Variants in CLMP observed in about 807,000 individuals in gnomAD.
CLMP encodes CXADR like cell adhesion molecule, also known as CXADR-like membrane protein.
In CLMP, 27 loss-of-function variants were observed where a neutral mutation model predicts 45.2. That is an observed-to-expected ratio of 0.60 (90% CI 0.44 to 0.82). The LOEUF (loss-of-function observed/expected upper bound fraction) is 0.82. Among genes scored for constraint, CLMP ranks in the 40% least tolerant of loss-of-function variants. The pLI is 0.00. For synonymous variants in CLMP, 167 were observed against 171.4 expected (o/e 0.97, Z 0.20); for missense variants, 403 against 448.4 (o/e 0.90, Z 0.91).
chr11:123,132,158 T>C (rs1380984856), intron 1 of CLMP, among the ~76,000 whole-genome samples: 1 of 152,240 alleles, frequency 6.6e-6, no homozygotes, highest in Non-Finnish European at 1.5e-5. Flanking sequence ...ACCTCTGCTC[T>C]ACAAATAGCA....
chr11:123,112,859 C>T (rs935878912), intron 1 of CLMP, among the ~76,000 whole-genome samples: 49 of 150,536 alleles, frequency 3.3e-4, no homozygotes, highest in African/African-American at 1.2e-3. Context: ...CTGCAAGCTC[C>T]GCCTCCCGGG....
chr11:123,103,832 CTTT>C (rs372976967), intron 1 of CLMP, among the ~76,000 whole-genome samples: 17 of 137,300 alleles, frequency 1.2e-4, no homozygotes, highest in Admixed American at 4.4e-4. Context: ...GGTTCTGTCT[CTTT>C]TTTTTTTTTT....
chr11:123,119,583 A>G (rs1172394669), intron 1 of CLMP, among the ~76,000 whole-genome samples: 2 of 152,214 alleles, frequency 1.3e-5, no homozygotes, highest in African/African-American at 4.8e-5. Flanking sequence ...CATATGGTAA[A>G]CATTCAAACA....
In CLMP at chr11:123,150,469, AAGAAAGAAAG is replaced by A. The variant is rs1297215608; in HGVS notation, c.28+44434_28+44443del. Among the ~76,000 whole-genome samples the A allele has an allele frequency of 6.9e-3, 757 of 109,140 alleles. 11 individuals are homozygous for A. The highest frequency in any genetic ancestry group is 0.011 in the Non-Finnish European group (535 of 49,410). 71.6% of individuals were successfully genotyped at this position (109,140 alleles called of 152,430 possible). ...AAAGAAAGAAAGAAAGAAAGAAAGAAAGAAAGAAAGAAAGGAAGGAAGGAAGGAAGGAAGG... is the reference window on the plus strand; with the variant it reads ...AAAGAAAGAAAGAAAGAAAGAAAGAAAAAGGAAGGAAGGAAGGAAGGAAGG... On this transcript the variant is annotated intron_variant, in intron 1 of 6. Coordinates refer to ENST00000448775, the MANE Select transcript of CLMP (RefSeq NM_024769.5).
At chr11:123,141,224 G>A (rs184353234) in intron 1 of CLMP, among the ~76,000 whole-genome samples, 3 of 95,036 alleles carry the variant, frequency 3.2e-5, no homozygotes, top group South Asian at 3.7e-4. Context: ...TCACTTTGTC[G>A]CCCAGGCTGG....
chr11:123,118,955 TTC>T (rs1860758605), intron 1 of CLMP, among the ~76,000 whole-genome samples: 3 of 32,704 alleles, frequency 9.2e-5, no homozygotes, highest in Non-Finnish European at 1.8e-4. Context: ...CTTTCTTTCT[TTC>T]TTTCTTTCTT....
chr11:123,086,922 G>A (rs189687683), intron 2 of CLMP, among the ~76,000 whole-genome samples: 5 of 152,170 alleles, frequency 3.3e-5, no homozygotes, highest in East Asian at 3.9e-4. Context: ...AACTGGGTGC[G>A]GTGGCTCACA....
intron 1 of CLMP, among the ~76,000 whole-genome samples, chr11:123,189,388 G>C (rs532461768): frequency 8.5e-5 from 13 of 152,304 alleles, no homozygotes; most frequent in African/African-American, 3.1e-4. Flanking sequence ...AGAGAAAGAA[G>C]CTCACTTTAC....
chr11:123,141,827 C>T lies in CLMP; in HGVS notation c.29-43875G>A, dbSNP rs531527413. Among the ~76,000 whole-genome samples, 7 of 152,152 alleles carry T rather than the reference C, an allele frequency of 4.6e-5. No homozygotes were observed. The East Asian group carries it at 7.7e-4, about 17-fold the overall frequency. On this transcript the variant is annotated intron_variant, in intron 1 of 6. Transcript: ENST00000448775. ...TTCATCACTTGCAGTGTGCATATCT[C>T]GCCCCCCAAAACATGGTGAACGTTT...
chr11:123,174,577 G>C (rs1242501643), intron 1 of CLMP, among the ~76,000 whole-genome samples: 1 of 152,166 alleles, frequency 6.6e-6, no homozygotes, highest in Non-Finnish European at 1.5e-5. Flanking sequence ...TTGCCCACTT[G>C]CTGCCTCCTT....
intron 5 of CLMP, among the ~76,000 whole-genome samples, chr11:123,075,612 C>T (rs1865729911): frequency 6.6e-6 from 1 of 151,774 alleles, no homozygotes; most frequent in Admixed American, 6.6e-5. Context: ...TGGTCTTGAC[C>T]TCCTGACCTC....
At chr11:123,144,678 GA>G (rs774192378) in intron 1 of CLMP, among the ~76,000 whole-genome samples, 8 of 151,154 alleles carry the variant, frequency 5.3e-5, no homozygotes, top group Admixed American at 4.6e-4. Context: ...CGGGGATAAT[GA>G]TTTTTTTTGG....
intron 1 of CLMP, among the ~76,000 whole-genome samples, chr11:123,170,808 T>C (rs1328215171): frequency 2.0e-5 from 3 of 152,138 alleles, no homozygotes; most frequent in African/African-American, 7.2e-5. Flanking sequence ...AAAGACTGTT[T>C]GCTGGCATTA....
At chr11:123,152,908 C>T (rs1292071467) in intron 1 of CLMP, among the ~76,000 whole-genome samples, 1 of 152,064 alleles carries the variant, frequency 6.6e-6, no homozygotes, top group Non-Finnish European at 1.5e-5. Flanking sequence ...GGATCTTGAG[C>T]ATAGAGGTTG....
At chr11:123,170,055 T>C (rs547593162) in intron 1 of CLMP, among the ~76,000 whole-genome samples, 31 of 152,288 alleles carry the variant, frequency 2.0e-4, no homozygotes, top group Middle Eastern at 6.8e-3. Context: ...TGCCAGACTT[T>C]TAGTGGATTC....
intron 1 of CLMP, among the ~76,000 whole-genome samples, chr11:123,173,809 C>G (rs1861665876): frequency 6.6e-6 from 1 of 152,094 alleles, no homozygotes; most frequent in South Asian, 2.1e-4. Context: ...GGGCTGAGTG[C>G]TGTGGATCAG....
chr11:123,119,131 T>C (rs1860776156), intron 1 of CLMP, among the ~76,000 whole-genome samples: 1 of 147,388 alleles, frequency 6.8e-6, no homozygotes, highest in East Asian at 2.1e-4. Context: ...TTGCCCAGGC[T>C]GGAGTGCAAT....
chr11:123,098,620 C>T (rs1482969022), intron 1 of CLMP, among the ~76,000 whole-genome samples: 1 of 151,694 alleles, frequency 6.6e-6, no homozygotes, highest in Non-Finnish European at 1.5e-5. Flanking sequence ...ATTGCACCCT[C>T]GACCTCACCA....
chr11:123,188,093 G>A (rs76846853), intron 1 of CLMP, among the ~76,000 whole-genome samples: 3,237 of 152,258 alleles, frequency 0.021, 116 homozygotes, highest in African/African-American at 0.068. Flanking sequence ...TTCCTTGTTC[G>A]TGAATACGTC....
Sources: gnomAD v4.1 joint callset for allele counts (sites outside exome capture counted in the v4.1 genomes callset) on GRCh38, gnomAD v4.1.1 for gene constraint, MANE v1.5 for transcripts, NCBI Gene and HGNC (gene_info 2026-07-23, HGNC 2026-07-21) for gene names.